Variants in SORBS2 observed in about 807,000 individuals in gnomAD.
The protein encoded by SORBS2 is sorbin and SH3 domain-containing protein 2.
In SORBS2, 46 loss-of-function variants were observed where a neutral mutation model predicts 97.7. The ratio of observed to expected loss-of-function variants is 0.47; its 90% CI spans 0.37 to 0.60. The LOEUF is 0.60. SORBS2 is among the 20% of genes least tolerant of loss of function. SORBS2 has a pLI of 0.00. For missense variants in SORBS2, 1,316 were observed against 1,282.3 expected, an observed-to-expected ratio of 1.03 and a Z score of -0.40; for synonymous variants, 476 against 473.4, an observed-to-expected ratio of 1.01 and a Z score of -0.07.
intron 1 of SORBS2, among the ~76,000 whole-genome samples, chr4:185,845,230 G>T (rs758845584): frequency 3.3e-5 from 5 of 151,976 alleles, no homozygotes; most frequent in Non-Finnish European, 5.9e-5. Context: ...AGGTTGCCCA[G>T]GTTGGTCTCC....
intron 2 of SORBS2, among the ~76,000 whole-genome samples, chr4:185,692,707 T>G (rs191860454): frequency 3.9e-5 from 6 of 152,310 alleles, no homozygotes; most frequent in African/African-American, 1.4e-4. Flanking sequence ...AAAAATACAC[T>G]TAAGTCCTAT....
Position 185,607,021 on chromosome 4 carries a change from G to A in SORBS2, c.2796+4759C>T, listed in dbSNP as rs920349010. On this transcript the variant is annotated intron_variant, in intron 12 of 14. Coordinates refer to ENST00000418609, the Ensembl canonical transcript of SORBS2. This position sits in a 1 kb window ranked among gnomAD's most constrained non-coding sequence, Gnocchi z 5.2. ...ATGGTAAGGCTGGGCTGCAGCCGAG[G>A]CCACACCCGCGTGAGTGGAAGGTGA... 2.0e-6 allele frequency: 2 copies of A among 1,016,984 alleles called. No individual in the cohort carries two copies. The highest frequency in any genetic ancestry group is 2.4e-6 in the Non-Finnish European group (2 of 848,710). 63.0% of individuals were successfully genotyped at this position (1,016,984 alleles called of 1,614,324 possible).
At chr4:185,795,807 C>T (rs2099102058) in intron 1 of SORBS2, among the ~76,000 whole-genome samples, 1 of 152,170 alleles carries the variant, frequency 6.6e-6, no homozygotes, top group Non-Finnish European at 1.5e-5. Flanking sequence ...ACCTATATCT[C>T]CATCTCAGAA....
intron 1 of SORBS2, among the ~76,000 whole-genome samples, chr4:185,875,164 T>C (rs6552931): frequency 0.43 from 65,305 of 151,824 alleles, 15,275 homozygotes; most frequent in East Asian, 0.72. Flanking sequence ...AATAAAATAG[T>C]AAGGAATAAA....
chr4:185,780,007 ATTTTTTTTTTTT>A (rs538693770), intron 1 of SORBS2, among the ~76,000 whole-genome samples: 15 of 98,088 alleles, frequency 1.5e-4, no homozygotes, highest in Non-Finnish European at 2.8e-4. Flanking sequence ...GTAGAGTAAC[ATTTTTTTTTTTT>A]TTTTTTTTTT....
At chr4:185,648,281 G>A (rs62336068) in intron 3 of SORBS2, among the ~76,000 whole-genome samples, 1,840 of 152,234 alleles carry the variant, frequency 0.012, 19 homozygotes, top group Non-Finnish European at 0.019. Flanking sequence ...ACTTTGGGAA[G>A]CCAAGGTGGG....
At chr4:185,919,484 A>G (rs1455534771) in intron 1 of SORBS2, 2 of 152,186 alleles carry the variant, frequency 1.3e-5, no homozygotes, top group African/African-American at 4.8e-5. Flanking sequence ...TGATCTCTGT[A>G]ATGAGAATAA....
intron 1 of SORBS2, among the ~76,000 whole-genome samples, chr4:185,922,803 G>C (rs1322754240): frequency 6.6e-6 from 1 of 152,152 alleles, no homozygotes; most frequent in Non-Finnish European, 1.5e-5. Flanking sequence ...AAATTGACAT[G>C]CTCATATGGC....
At chr4:185,894,602 C>A (rs1434608128) in intron 1 of SORBS2, among the ~76,000 whole-genome samples, 1 of 152,190 alleles carries the variant, frequency 6.6e-6, no homozygotes, top group Non-Finnish European at 1.5e-5. Flanking sequence ...AGATGTCTTA[C>A]CTCGCAAGGC....
chr4:185,632,289 G>A (rs2096921057), intron 4 of SORBS2, among the ~76,000 whole-genome samples: 1 of 152,158 alleles, frequency 6.6e-6, no homozygotes, highest in Non-Finnish European at 1.5e-5. Flanking sequence ...ATCTCTGCAT[G>A]AGAATATTCC....
At chr4:185,722,587 T>A (rs2098524288) in intron 2 of SORBS2, among the ~76,000 whole-genome samples, 1 of 152,254 alleles carries the variant, frequency 6.6e-6, no homozygotes, top group South Asian at 2.1e-4. Context: ...ATAAAAAAAA[T>A]TATTGGGAAT....
chr4:185,855,037 A>G (rs1052355606), intron 1 of SORBS2, among the ~76,000 whole-genome samples: 2 of 152,228 alleles, frequency 1.3e-5, no homozygotes, highest in Non-Finnish European at 2.9e-5. Flanking sequence ...CTTAAATGAC[A>G]TAATAATAAA....
At chr4:185,767,920 T>C (rs778707688) in intron 2 of SORBS2, among the ~76,000 whole-genome samples, 1 of 152,238 alleles carries the variant, frequency 6.6e-6, no homozygotes, top group Non-Finnish European at 1.5e-5. Context: ...GGGACCTAAA[T>C]ATTCTTTGAG....
intron 2 of SORBS2, 70 bp from the exon 11 acceptor site, chr4:185,651,898 C>T: frequency 1.3e-6 from 1 of 781,504 alleles, no homozygotes; most frequent in African/African-American, 1.8e-5. Flanking sequence ...AGCAGAACTT[C>T]AGACAAACAA....
intron 1 of SORBS2, among the ~76,000 whole-genome samples, chr4:185,856,486 C>T (rs533934419): frequency 1.3e-5 from 2 of 152,300 alleles, no homozygotes; most frequent in East Asian, 1.9e-4. Context: ...ATCTTGCCTA[C>T]AGCTAAATCC....
intron 4 of SORBS2, among the ~76,000 whole-genome samples, chr4:185,669,624 T>A (rs1469449525): frequency 6.6e-6 from 1 of 152,076 alleles, no homozygotes; most frequent in Non-Finnish European, 1.5e-5. Context: ...AAAAACTCAG[T>A]AATTGAGATA....
intron 1 of SORBS2, among the ~76,000 whole-genome samples, chr4:185,851,477 C>A (rs1376808287): frequency 6.6e-6 from 1 of 152,048 alleles, no homozygotes; most frequent in Non-Finnish European, 1.5e-5. Flanking sequence ...ACAAGCTGTC[C>A]TTTTGGGATT....
intron 2 of SORBS2, among the ~76,000 whole-genome samples, chr4:185,732,545 C>T (rs1163907925): frequency 2.0e-5 from 3 of 152,176 alleles, no homozygotes; most frequent in African/African-American, 7.2e-5. Flanking sequence ...TCAGTCCTGC[C>T]CCACAGACAT....
At chr4:185,886,016 C>T (rs1256213990) in intron 1 of SORBS2, among the ~76,000 whole-genome samples, 4 of 152,096 alleles carry the variant, frequency 2.6e-5, no homozygotes, top group Non-Finnish European at 1.5e-5. Flanking sequence ...TTACTGCGCC[C>T]CTTAGTAAAC....
Sources: gnomAD v4.1 joint callset for allele counts (sites outside exome capture counted in the v4.1 genomes callset) on GRCh38, gnomAD v4.1.1 for gene constraint, Gnocchi (gnomAD v3.1) non-coding constraint, MANE v1.5 for transcripts, NCBI Gene and HGNC (gene_info 2026-07-23, HGNC 2026-07-21) for gene names.